The following VEGFC variants were observed in gnomAD, a reference collection of about 807,000 sequenced individuals.
VEGFC encodes the protein vascular endothelial growth factor C, also known as FLT4 ligand DHM.
In VEGFC, 12 loss-of-function variants were observed where a neutral mutation model predicts 46.1. The observed-to-expected ratio is 0.26, with a 90% CI of 0.17 to 0.42. The LOEUF is 0.42. Among genes scored for constraint, VEGFC ranks in the 10% least tolerant of loss-of-function variants. The pLI is 1.00. For synonymous variants in VEGFC, 232 were observed against 195.5 expected, an observed-to-expected ratio of 1.19 and a Z score of -1.56; for missense variants, 488 against 529.4, an observed-to-expected ratio of 0.92 and a Z score of 0.77.
At position 176,687,407 on chromosome 4, in the gene VEGFC, C is replaced by T. The variant is rs1364446269; in HGVS notation, c.925G>A (p.Glu309Lys). ...LRPASCGPHK[E>K]LDRNSCQCVC... ...CACTGGCATGAGTTTCTGTCTAGTT[C>T]TTTGTGGGGTCCACAGCTGGCAGGC... is the stretch of plus-strand genomic sequence containing the variant. The change falls in exon 6 of 7, where the codon GAA becomes AAA. Residue 309 changes from glutamate to lysine, a missense_variant. By Grantham distance (56) the Glu-to-Lys change is moderately conservative. Transcript: ENST00000618562. 3 of 1,614,082 alleles carry T rather than the reference C, an allele frequency of 1.9e-6. No homozygotes were observed. Among genetic ancestry groups the T allele is most frequent in the East Asian group, 2.2e-5 (1 of 44,888 alleles).
At chr4:176,771,858 A>G (rs1346741714) in intron 1 of VEGFC, among the ~76,000 whole-genome samples, 2 of 152,192 alleles carry the variant, frequency 1.3e-5, no homozygotes, top group Non-Finnish European at 2.9e-5. Context: ...TCAACACAGG[A>G]AAGTTGGAAT....
chr4:176,716,146 T>C (rs1055817278), intron 3 of VEGFC, among the ~76,000 whole-genome samples: 2 of 152,222 alleles, frequency 1.3e-5, no homozygotes, highest in Non-Finnish European at 1.5e-5. Flanking sequence ...TTCTAAATTT[T>C]AAAATTTTTA....
At chr4:176,692,119 G>GGA in intron 4 of VEGFC, among the ~76,000 whole-genome samples, 1 of 152,054 alleles carries the variant, frequency 6.6e-6, no homozygotes, top group Non-Finnish European at 1.5e-5. Context: ...CACCGGCCCG[G>GGA]CGCGGTGGCT....
At chr4:176,738,000 A>G (rs1735085084) in intron 1 of VEGFC, among the ~76,000 whole-genome samples, 2 of 151,786 alleles carry the variant, frequency 1.3e-5, no homozygotes, top group African/African-American at 4.8e-5. Flanking sequence ...TAACAAGGGA[A>G]GTGAAAGACC....
At chr4:176,741,425 A>G (rs760190785) in intron 1 of VEGFC, among the ~76,000 whole-genome samples, 2 of 151,882 alleles carry the variant, frequency 1.3e-5, no homozygotes, top group Non-Finnish European at 2.9e-5. Context: ...CAGAGAGTCC[A>G]CTTAGGGGGT....
At chr4:176,684,467 C>A (rs1734002162) in intron 6 of VEGFC, among the ~76,000 whole-genome samples, 1 of 152,140 alleles carries the variant, frequency 6.6e-6, no homozygotes, top group Non-Finnish European at 1.5e-5. Context: ...GCCATGTTGG[C>A]AGAACTGTGG....
At chr4:176,783,826 CT>C (rs1374327807) in intron 1 of VEGFC, among the ~76,000 whole-genome samples, 1 of 151,180 alleles carries the variant, frequency 6.6e-6, no homozygotes, top group Non-Finnish European at 1.5e-5. Context: ...ATTATATCCT[CT>C]TGCTATATTT....
Position 176,792,131 on chromosome 4 carries a change from C to A in VEGFC, c.147+34G>T. On this transcript the variant is annotated intron_variant, in intron 1 of 6. Coordinates refer to ENST00000618562, the MANE Select transcript of VEGFC (RefSeq NM_005429.5). This position sits in a 1 kb window ranked among gnomAD's most constrained non-coding sequence, Gnocchi z 6.3. ...TCCGCCGCAGACCCTAACGCAAACTCTCGGGTTCTCCGCAAACCCTAACGC... is the reference window on the plus strand; with the variant it reads ...TCCGCCGCAGACCCTAACGCAAACTATCGGGTTCTCCGCAAACCCTAACGC... 2 of 1,436,650 alleles carry A rather than the reference C, an allele frequency of 1.4e-6. No homozygotes were observed. Among genetic ancestry groups the A allele is most frequent in the South Asian group, 3.1e-5 (2 of 64,080 alleles). 89.0% of individuals were successfully genotyped at this position (1,436,650 alleles called of 1,614,324 possible).
Position 176,696,540 on chromosome 4 carries a change from G to C in VEGFC, c.705-8613C>G, listed in dbSNP as rs1265825459. 1.3e-4 allele frequency among the ~76,000 whole-genome samples: 19 copies of C among 149,678 alleles called. No homozygotes were observed. The East Asian group carries it at 3.2e-3, about 25-fold the overall frequency. ...CTCATGGGTAGGAAGAATCAATATC[G>C]TGAAAATGGCCATACTGCCCAAGGT... is the stretch of plus-strand genomic sequence containing the variant. On this transcript the variant is annotated intron_variant, in intron 4 of 6. Coordinates refer to ENST00000618562, the MANE Select transcript of VEGFC (RefSeq NM_005429.5).
intron 1 of VEGFC, among the ~76,000 whole-genome samples, chr4:176,730,364 C>T (rs1027472612): frequency 1.1e-4 from 16 of 152,080 alleles, no homozygotes; most frequent in Non-Finnish European, 1.8e-4. Context: ...AACACTAAAT[C>T]TTATTGACGG....
chr4:176,785,833 T>C (rs560577995), intron 1 of VEGFC, among the ~76,000 whole-genome samples: 2 of 152,134 alleles, frequency 1.3e-5, no homozygotes, highest in East Asian at 1.9e-4. Context: ...AATATGTGTG[T>C]GGGGGGTTCT....
intron 4 of VEGFC, among the ~76,000 whole-genome samples, chr4:176,703,492 G>A (rs1365028552): frequency 6.6e-6 from 1 of 151,962 alleles, no homozygotes; most frequent in African/African-American, 2.4e-5. Flanking sequence ...AGTTGTGGGG[G>A]GAATGAAGAG....
At chr4:176,747,011 G>A (rs1314914077) in intron 1 of VEGFC, among the ~76,000 whole-genome samples, 1 of 152,090 alleles carries the variant, frequency 6.6e-6, no homozygotes, top group Non-Finnish European at 1.5e-5. Flanking sequence ...TCACTTGACT[G>A]TGCGTCTGCC....
rs746280384 is a variant in VEGFC, at chr4:176,687,842, A to G, written c.790T>C (p.Phe264Leu). The G allele has an allele frequency of 8.1e-6, 13 of 1,612,900 alleles. No individual in the cohort carries two copies. The highest frequency in any genetic ancestry group is 1.0e-5 in the Non-Finnish European group (12 of 1,179,508). ...TTACCATCTCCAGCATCCGAGGAAA[A>G]CATAAAATCTTCCTGAGCCAGGCAT... ...CRCLAQEDFMFSSDAGDDSTD... is the reference protein window; with the variant it reads ...CRCLAQEDFMLSSDAGDDSTD... The change falls in exon 5 of 7, where the codon TTT (phenylalanine) becomes CTT (leucine). Residue 264 changes from phenylalanine (F) to leucine (L), a missense_variant. Transcript: ENST00000618562.
At chr4:176,734,616 G>C (rs2111023664) in intron 1 of VEGFC, among the ~76,000 whole-genome samples, 1 of 151,830 alleles carries the variant, frequency 6.6e-6, no homozygotes, top group East Asian at 1.9e-4. Flanking sequence ...TATGAACTAA[G>C]TGCAAAAACT....
At chr4:176,689,221 A>G (rs915654339) in intron 4 of VEGFC, 3 of 152,212 alleles carry the variant, frequency 2.0e-5, no homozygotes, top group African/African-American at 7.2e-5. Flanking sequence ...ACATAGTAAG[A>G]ATCCTATGTA....
intron 4 of VEGFC, among the ~76,000 whole-genome samples, chr4:176,692,255 G>A (rs1182763913): frequency 1.1e-4 from 15 of 138,686 alleles, no homozygotes; most frequent in Non-Finnish European, 2.0e-4. Flanking sequence ...TTAGCCGGGC[G>A]TAGTGGCGGG....
At chr4:176,696,782 A>G (rs1170619356) in intron 4 of VEGFC, among the ~76,000 whole-genome samples, 1 of 152,206 alleles carries the variant, frequency 6.6e-6, no homozygotes, top group African/African-American at 2.4e-5. Flanking sequence ...GGTTCAAAAC[A>G]GAGATATAGA....
chr4:176,712,107 AT>A (rs910239151), intron 3 of VEGFC, among the ~76,000 whole-genome samples: 2 of 152,214 alleles, frequency 1.3e-5, no homozygotes, highest in Non-Finnish European at 2.9e-5. Flanking sequence ...CCTACTTTAA[AT>A]AAACTGAATA....
Sources: allele counts gnomAD v4.1 joint callset (sites outside exome capture counted in the v4.1 genomes callset), GRCh38; gene constraint gnomAD v4.1.1; non-coding constraint Gnocchi (gnomAD v3.1); transcripts MANE v1.5; gene names NCBI Gene and HGNC (gene_info 2026-07-23, HGNC 2026-07-21).